The following COPG2 variants were observed in gnomAD, a reference collection of about 807,000 sequenced individuals.
COPG2 encodes coatomer subunit gamma-2.
Under a neutral mutation model 46.3 loss-of-function variants are expected in COPG2, and 37 were observed. The ratio of observed to expected loss-of-function variants is 0.80; its 90% CI spans 0.61 to 1.05. The LOEUF (loss-of-function observed/expected upper bound fraction) is 1.05, where lower values mean the gene tolerates loss of function less well. COPG2 is among the 50% of genes least tolerant of loss of function. The probability of loss-of-function intolerance (pLI) is 0.00; values close to 1 mark genes in which losing one functional copy is unlikely to be tolerated. For synonymous variants in COPG2, 159 were observed against 129.7 expected, an observed-to-expected ratio of 1.23 and a Z score of -1.53; for missense variants, 427 against 387.8, an observed-to-expected ratio of 1.10 and a Z score of -0.85.
chr7:130,662,926 AAGG>A (rs1796006781), intron 4 of COPG2, 38 bp downstream of exon 4: 1 of 1,181,802 alleles, frequency 8.5e-7, no homozygotes, highest in Non-Finnish European at 1.2e-6. Context: ...AAATAAATAA[AAGG>A]AGGTTTTTCA....
chr7:130,606,923 T>C (rs1364253567), intron 9 of COPG2, among the ~76,000 whole-genome samples: 2 of 152,176 alleles, frequency 1.3e-5, no homozygotes, highest in African/African-American at 4.8e-5. Context: ...CCCCTGTTCA[T>C]TCATGGTAAC....
chr7:130,649,351 TTTTG>T (rs1227311275), intron 5 of COPG2, among the ~76,000 whole-genome samples: 1 of 152,212 alleles, frequency 6.6e-6, no homozygotes, highest in Non-Finnish European at 1.5e-5. Context: ...CCTGGTTCCT[TTTTG>T]TTTAACAGGT....
chr7:130,657,705 A>G (rs1464772135), intron 4 of COPG2, among the ~76,000 whole-genome samples: 1 of 152,192 alleles, frequency 6.6e-6, no homozygotes, highest in Non-Finnish European at 1.5e-5. Flanking sequence ...AAACAATCCA[A>G]TTTTTTTAAT....
At chr7:130,515,745 A>G (rs1799673254) in intron 20 of COPG2, among the ~76,000 whole-genome samples, 1 of 152,110 alleles carries the variant, frequency 6.6e-6, no homozygotes, top group Non-Finnish European at 1.5e-5. Context: ...TACAAAAGGG[A>G]AGGGATAAAT....
In COPG2 at chr7:130,564,279, C is replaced by T. The variant is rs1280166812; in HGVS notation, c.852G>A (p.Glu284=). 11 of 398,454 alleles carry T rather than the reference C, an allele frequency of 2.8e-5. No homozygotes were observed. Among genetic ancestry groups the T allele is most frequent in the African/African-American group, 2.3e-4 (11 of 48,616 alleles). The allele number at this position is 398,454 out of a possible 1,614,324, so 24.7% of individuals were successfully genotyped here. A position where few individuals can be genotyped will look rare whatever the true frequency, so the allele number is the denominator to read the frequency against. The change falls in exon 10 of 24, where the codon GAG becomes GAA. Residue 284 remains glutamate, a synonymous_variant. Coordinates refer to ENST00000425248, the MANE Select transcript of COPG2 (RefSeq NM_012133.6). The stretch of plus-strand genomic sequence containing the variant: ...ACAAACCTGAAACAGCAGGTGCCAA[C>T]TCTCTTGCAGTGCAGTTAGGAAGAT... ...IIHLPNCTAR[E]LAPAVSVLQL...
intron 5 of COPG2, among the ~76,000 whole-genome samples, chr7:130,641,175 C>CAGAA (rs1554457207): frequency 1.1e-5 from 1 of 87,952 alleles, no homozygotes; most frequent in Non-Finnish European, 2.0e-5. Flanking sequence ...CCCTACCTCT[C>CAGAA]AAAAAAAAAA....
intron 14 of COPG2, among the ~76,000 whole-genome samples, chr7:130,553,878 A>T (rs1793574169): frequency 6.6e-6 from 1 of 152,246 alleles, no homozygotes; most frequent in Non-Finnish European, 1.5e-5. Context: ...GACTGAGTGT[A>T]AACAAAGGTA....
At chr7:130,569,549 G>T (rs1196056621) in intron 9 of COPG2, among the ~76,000 whole-genome samples, 2 of 151,932 alleles carry the variant, frequency 1.3e-5, no homozygotes, top group Non-Finnish European at 2.9e-5. Context: ...CAAGCAGCAA[G>T]ATTGAAATGG....
At chr7:130,575,063 G>A (rs375075507) in intron 9 of COPG2, among the ~76,000 whole-genome samples, 106 of 152,246 alleles carry the variant, frequency 7.0e-4, no homozygotes, top group African/African-American at 2.4e-3. Flanking sequence ...TATGTTAAAC[G>A]ACCAAACCTA....
At chr7:130,628,483 T>G (rs1294161302) in intron 5 of COPG2, among the ~76,000 whole-genome samples, 1 of 152,184 alleles carries the variant, frequency 6.6e-6, no homozygotes, top group African/African-American at 2.4e-5. Context: ...TTTCCTTCTA[T>G]TCTTTGTGCA....
intron 9 of COPG2, chr7:130,605,739 T>C (rs1554451130): frequency 1.9e-6 from 1 of 519,964 alleles, no homozygotes; most frequent in African/African-American, 1.9e-5. Flanking sequence ...AAGTGGATTC[T>C]TCCTCAAAGC....
At chr7:130,627,584 T>G (rs1341689990) in intron 5 of COPG2, among the ~76,000 whole-genome samples, 2 of 152,292 alleles carry the variant, frequency 1.3e-5, no homozygotes, top group East Asian at 1.9e-4. Flanking sequence ...TTTCTTTACC[T>G]ACACCCATCT....
chr7:130,603,174 C>T (rs993161577), intron 9 of COPG2, among the ~76,000 whole-genome samples: 1 of 152,138 alleles, frequency 6.6e-6, no homozygotes, highest in Non-Finnish European at 1.5e-5. Context: ...AATTAATGTG[C>T]TCCTACCTCA....
chr7:130,609,993 A>T, intron 9 of COPG2: 1 of 487,452 alleles, frequency 2.1e-6, no homozygotes, highest in Non-Finnish European at 4.0e-6. Flanking sequence ...GAAGTTGTTT[A>T]AAAGTCACTG....
At chr7:130,513,307 AAAT>A (rs1465381339) in intron 20 of COPG2, among the ~76,000 whole-genome samples, 2 of 47,716 alleles carry the variant, frequency 4.2e-5, no homozygotes, top group African/African-American at 1.9e-4. Context: ...AAAAAAAAAA[AAAT>A]ATATATATAT....
In COPG2 at chr7:130,513,341, A is replaced by ATG. The variant is rs1210290028; in HGVS notation, c.2150-4684_2150-4683dup. Among the ~76,000 whole-genome samples, 482 of 51,426 alleles carry ATG rather than the reference A, an allele frequency of 9.4e-3. 10 individuals are homozygous for ATG. Among genetic ancestry groups the ATG allele is most frequent in the Non-Finnish European group, 0.017 (380 of 22,262 alleles). The allele number at this position is 51,426 out of a possible 152,430, so 33.7% of individuals were successfully genotyped here. On this transcript the variant is annotated intron_variant, in intron 20 of 23. Coordinates refer to ENST00000425248, the MANE Select transcript of COPG2 (RefSeq NM_012133.6). Reference sequence around the variant, plus strand: ...TATATATATATATATATATATATATATGTGTGTGTGTGTGTGTGTATATAT... The same window carrying ATG: ...TATATATATATATATATATATATATATGTGTGTGTGTGTGTGTGTGTATATAT...
chr7:130,516,975 C>A (rs1016260092), intron 20 of COPG2, among the ~76,000 whole-genome samples: 1 of 152,002 alleles, frequency 6.6e-6, no homozygotes, highest in African/African-American at 2.4e-5. Flanking sequence ...GGCTGAGCAG[C>A]GAGTGCCCAT....
intron 3 of COPG2, among the ~76,000 whole-genome samples, chr7:130,663,557 T>C (rs1796018334): frequency 6.6e-6 from 1 of 151,970 alleles, no homozygotes; most frequent in African/African-American, 2.4e-5. Context: ...ATTAAAAAAC[T>C]AGGCTTAAGG....
intron 9 of COPG2, among the ~76,000 whole-genome samples, chr7:130,572,077 T>A (rs1793915205): frequency 6.6e-6 from 1 of 151,848 alleles, no homozygotes; most frequent in Non-Finnish European, 1.5e-5. Context: ...TACAATGGAT[T>A]TTGGGGACTT....
Sources: allele counts gnomAD v4.1 joint callset (sites outside exome capture counted in the v4.1 genomes callset), GRCh38; gene constraint gnomAD v4.1.1; transcripts MANE v1.5; gene names NCBI Gene and HGNC (gene_info 2026-07-23, HGNC 2026-07-21).